Variants in ADARB2 observed in about 807,000 individuals in gnomAD.
The protein encoded by ADARB2 is inactive double-stranded RNA-specific editase B2.
ADARB2 carries 25 observed loss-of-function variants against 62.2 expected under a neutral mutation model. The ratio of observed to expected loss-of-function variants is 0.40; its 90% CI spans 0.29 to 0.56. The LOEUF (loss-of-function observed/expected upper bound fraction) is 0.56, where lower values mean the gene tolerates loss of function less well. Among genes scored for constraint, ADARB2 ranks in the 20% least tolerant of loss-of-function variants. ADARB2 has a pLI of 0.43. For synonymous variants in ADARB2, 572 were observed against 500.8 expected (o/e 1.14, Z -1.90); for missense variants, 1,071 against 1,077.4 (o/e 0.99, Z 0.08).
At chr10:1,305,435 A>G (rs1352565237) in intron 3 of ADARB2, among the ~76,000 whole-genome samples, 1 of 151,474 alleles carries the variant, frequency 6.6e-6, no homozygotes, top group East Asian at 2.0e-4. Flanking sequence ...AAAAGAGTCC[A>G]GGACCAGATG....
At chr10:1,667,193 ATTAAG>A (rs1364114115) in intron 1 of ADARB2, among the ~76,000 whole-genome samples, 14 of 152,254 alleles carry the variant, frequency 9.2e-5, no homozygotes, top group Admixed American at 2.6e-4. Flanking sequence ...TGAATCAAAC[ATTAAG>A]TTAAATGTCA....
rs115944478 is a variant in ADARB2, at chr10:1,609,181, G to A, written c.100+127870C>T. 9.2e-3 allele frequency among the ~76,000 whole-genome samples: 1,404 copies of A among 152,310 alleles called. 24 individuals carry two copies. The highest frequency in any genetic ancestry group is 0.032 in the African/African-American group (1,338 of 41,548). ...TTTCGGATTCGCTCAGCTCACAGGCGGGATGGGAATGTGCCGCAGGGCTGC... is the reference window on the plus strand; with the variant it reads ...TTTCGGATTCGCTCAGCTCACAGGCAGGATGGGAATGTGCCGCAGGGCTGC... On this transcript the variant is annotated intron_variant, in intron 1 of 9. Transcript: ENST00000381312.
chr10:1,184,857 C>T lies in ADARB2; in HGVS notation c.2043+4G>A, dbSNP rs775741174. ...GTTTCCCTGCAAGGATGGGTGCGAC[C>T]TACCCTGCCATACAGCCGCGCCCAC... On this transcript the variant is annotated splice_donor_region_variant and intron_variant, in intron 9 of 9. Coordinates refer to ENST00000381312, the MANE Select transcript of ADARB2 (RefSeq NM_018702.4). The T allele has an allele frequency of 1.9e-6, 3 of 1,611,370 alleles. No homozygotes were observed. The highest frequency in any genetic ancestry group is 1.7e-5 in the Admixed American group (1 of 59,892).
chr10:1,185,151 C>G, intron 8 of ADARB2, 112 bp from the exon 9 acceptor site: 1 of 1,341,708 alleles, frequency 7.5e-7, no homozygotes, highest in South Asian at 1.5e-5. Flanking sequence ...ATGGTCCTCC[C>G]TTTTCATCCT....
chr10:1,566,063 CAAAAAAAAAAAAAAAAAAAAAAAAA>C (rs376967105), intron 1 of ADARB2, among the ~76,000 whole-genome samples: 2,802 of 127,970 alleles, frequency 0.022, 142 homozygotes, highest in African/African-American at 0.055. Flanking sequence ...CTCAGTCTAG[CAAAAAAAAAAAAAAAAAAAAAAAAA>C]AAAAAAAAAA....
intron 7 of ADARB2, among the ~76,000 whole-genome samples, chr10:1,205,908 T>C (rs751333356): frequency 1.9e-5 from 2 of 105,560 alleles, no homozygotes; most frequent in South Asian, 3.9e-4. Context: ...CCCACTGGGG[T>C]CAGGTGGAGG....
intron 1 of ADARB2, among the ~76,000 whole-genome samples, chr10:1,666,864 C>T (rs987205573): frequency 1.3e-5 from 2 of 152,186 alleles, no homozygotes; most frequent in African/African-American, 2.4e-5. Flanking sequence ...ATGTGTTCAA[C>T]CCATCAAAGT....
chr10:1,706,579 C>T (rs1380461317), intron 1 of ADARB2, among the ~76,000 whole-genome samples: 1 of 152,148 alleles, frequency 6.6e-6, no homozygotes, highest in Non-Finnish European at 1.5e-5. Flanking sequence ...TTGATTCCTC[C>T]AAGTATTTTT....
At chr10:1,499,768 C>A (rs1272438535) in intron 1 of ADARB2, among the ~76,000 whole-genome samples, 1 of 152,124 alleles carries the variant, frequency 6.6e-6, no homozygotes, top group Non-Finnish European at 1.5e-5. Context: ...TTACTTGTTA[C>A]TCACTCATTA....
intron 1 of ADARB2, among the ~76,000 whole-genome samples, chr10:1,676,660 C>A (rs1834470080): frequency 6.6e-6 from 1 of 152,164 alleles, no homozygotes; most frequent in African/African-American, 2.4e-5. Context: ...GCTTCCCTGT[C>A]ATTTTTATCT....
At chr10:1,617,682 C>T (rs1243344956) in intron 1 of ADARB2, among the ~76,000 whole-genome samples, 1 of 151,170 alleles carries the variant, frequency 6.6e-6, no homozygotes, top group Non-Finnish European at 1.5e-5. Context: ...ACACACTCCA[C>T]ACCGCCCTGC....
At chr10:1,498,185 C>T (rs894726940) in intron 1 of ADARB2, among the ~76,000 whole-genome samples, 1 of 151,806 alleles carries the variant, frequency 6.6e-6, no homozygotes, top group African/African-American at 2.4e-5. Context: ...ACCAACCTGG[C>T]CAACATGGTG....
chr10:1,551,766 G>T (rs10794757), intron 1 of ADARB2, among the ~76,000 whole-genome samples: 303 of 152,140 alleles, frequency 2.0e-3, no homozygotes, highest in African/African-American at 7.2e-3. Context: ...GTCCAGCGAT[G>T]GCCAAATCGA....
intron 1 of ADARB2, among the ~76,000 whole-genome samples, chr10:1,715,826 C>T (rs1361592705): frequency 6.6e-6 from 1 of 152,230 alleles, no homozygotes; most frequent in Non-Finnish European, 1.5e-5. Context: ...CAATGGCCTC[C>T]AACACCGCTG....
chr10:1,705,266 G>A (rs570086289), intron 1 of ADARB2, among the ~76,000 whole-genome samples: 15 of 152,210 alleles, frequency 9.9e-5, no homozygotes, highest in Admixed American at 2.0e-4. Context: ...TGCAGGGGCT[G>A]CATTCTACAT....
At chr10:1,329,440 C>T (rs1023144227) in intron 3 of ADARB2, among the ~76,000 whole-genome samples, 13 of 152,246 alleles carry the variant, frequency 8.5e-5, no homozygotes, top group Admixed American at 3.3e-4. Flanking sequence ...TCTGAACCCA[C>T]TGTCCATGTG....
At chr10:1,619,991 A>G (rs900097627) in intron 1 of ADARB2, among the ~76,000 whole-genome samples, 1 of 152,166 alleles carries the variant, frequency 6.6e-6, no homozygotes, top group Non-Finnish European at 1.5e-5. Context: ...TAAGAAAAAA[A>G]TTTAACTGCA....
intron 1 of ADARB2, among the ~76,000 whole-genome samples, chr10:1,536,951 A>C (rs888188213): frequency 6.6e-6 from 1 of 152,218 alleles, no homozygotes; most frequent in African/African-American, 2.4e-5. Flanking sequence ...CAAAAGCCAA[A>C]ATTGATAAAT....
intron 6 of ADARB2, among the ~76,000 whole-genome samples, chr10:1,231,621 A>T (rs983280389): frequency 6.6e-6 from 1 of 152,196 alleles, no homozygotes; most frequent in Non-Finnish European, 1.5e-5. Flanking sequence ...TTCCTTTAAA[A>T]GTCCCTGAGG....
Sources: allele counts gnomAD v4.1 joint callset (sites outside exome capture counted in the v4.1 genomes callset), GRCh38; gene constraint gnomAD v4.1.1; transcripts MANE v1.5; gene names NCBI Gene and HGNC (gene_info 2026-07-23, HGNC 2026-07-21).